The following DYNC2I2 variants were observed in gnomAD, a reference collection of about 807,000 sequenced individuals.
DYNC2I2 encodes cytoplasmic dynein 2 intermediate chain 2.
A neutral mutation model predicts 52.0 loss-of-function variants in DYNC2I2; 39 were observed. The ratio of observed to expected loss-of-function variants is 0.75; its 90% CI spans 0.58 to 0.98. The LOEUF is 0.98. Ranked by LOEUF, DYNC2I2 falls within the 50% of genes least tolerant of loss-of-function variation. The probability of loss-of-function intolerance (pLI) is 0.00; values close to 1 mark genes in which losing one functional copy is unlikely to be tolerated. For missense variants in DYNC2I2, 743 were observed against 728.4 expected (o/e 1.02, Z -0.23); for synonymous variants, 359 against 321.1 (o/e 1.12, Z -1.26).
rs537280538 is a variant in DYNC2I2 at position 128,635,111 on chromosome 9, C to T, written c.962G>A (p.Arg321Gln). 8.1e-6 allele frequency: 13 copies of T among 1,612,230 alleles called. No individual in the cohort carries two copies. The highest frequency in any genetic ancestry group is 2.7e-5 in the African/African-American group (2 of 75,034). ...GFALVMQQLP[R>Q]STKLKKHPRG... ...ACGTACCTTCTTGAGCTTGGTGCTCCGTGGCAGCTGCTGCATGACCAGGGC... is the reference window on the plus strand; with the variant it reads ...ACGTACCTTCTTGAGCTTGGTGCTCTGTGGCAGCTGCTGCATGACCAGGGC... The change falls in exon 6 of 9, where the codon CGG becomes CAG. Residue 321 changes from arginine (R) to glutamine (Q), a missense_variant. Physicochemically the swap from Arg to Gln is conservative, Grantham distance 43. Transcript: ENST00000372715.
the DYNC2I2 span, among the ~76,000 whole-genome samples, chr9:128,662,308 A>C: frequency 1.3e-5 from 2 of 152,076 alleles, no homozygotes; most frequent in African/African-American, 4.8e-5. Context: ...CCATCTGCCC[A>C]TGCTCTTTGT....
intron 1 of DYNC2I2, 82 bp downstream of exon 1, chr9:128,656,459 G>C: frequency 2.6e-6 from 3 of 1,141,388 alleles, no homozygotes; most frequent in Non-Finnish European, 3.3e-6. Flanking sequence ...CAGCCACGGT[G>C]GGACGCCCGA....
intron 2 of DYNC2I2, 76 bp downstream of exon 2, chr9:128,640,615 T>C: frequency 3.2e-6 from 5 of 1,554,824 alleles, no homozygotes; most frequent in Non-Finnish European, 3.5e-6. Context: ...ACGGCTGTTA[T>C]TTGTGGGAAG....
intron 1 of DYNC2I2, among the ~76,000 whole-genome samples, chr9:128,652,848 G>A (rs1214683374): frequency 1.3e-5 from 2 of 150,632 alleles, no homozygotes; most frequent in Non-Finnish European, 2.9e-5. Context: ...AACCCGGGAG[G>A]CGGAGGTTGC....
At chr9:128,636,498 C>T in intron 3 of DYNC2I2, 60 bp from the exon 4 acceptor site, 2 of 1,520,290 alleles carry the variant, frequency 1.3e-6, no homozygotes, top group Middle Eastern at 2.2e-4. Flanking sequence ...TCACCCACCC[C>T]ACCTCTCTCC....
At position 128,634,473 on chromosome 9, in the gene DYNC2I2, AG is replaced by A; in HGVS notation, c.1215-91del. 4 of 1,486,036 alleles carry A rather than the reference AG, an allele frequency of 2.7e-6. 1 individual carries two copies. The South Asian group carries it at 5.4e-5, about 20-fold the overall frequency. 92.1% of individuals were successfully genotyped at this position (1,486,036 alleles called of 1,614,324 possible). On this transcript the variant is annotated intron_variant, in intron 7 of 8. Coordinates refer to ENST00000372715, the MANE Select transcript of DYNC2I2 (RefSeq NM_052844.4). ...AACACCAGACCCCTCCTGGGCTGCC[AG>A]GCTCGTGAAGAGCCTCCCGGGTCCC... is the stretch of plus-strand genomic sequence containing the variant.
At chr9:128,678,439 C>T in the DYNC2I2 span, among the ~76,000 whole-genome samples, 1 of 142,150 alleles carries the variant, frequency 7.0e-6, no homozygotes, top group Non-Finnish European at 1.5e-5. Context: ...TGTGTAGAGA[C>T]CACAGGTAAT....
At chr9:128,636,722 A>C (rs975106832) in intron 3 of DYNC2I2, among the ~76,000 whole-genome samples, 196 bp downstream of exon 3, 1 of 151,898 alleles carries the variant, frequency 6.6e-6, no homozygotes, top group Non-Finnish European at 1.5e-5. Flanking sequence ...GGCAGGGGGG[A>C]GGGTGATCCT....
intron 1 of DYNC2I2, among the ~76,000 whole-genome samples, chr9:128,645,188 T>TAA (rs60929747): frequency 7.0e-6 from 1 of 143,318 alleles, no homozygotes; most frequent in Non-Finnish European, 1.5e-5. Flanking sequence ...CCATCTCTAC[T>TAA]AAAAAAAAAA....
chr9:128,677,954 G>T, the DYNC2I2 span, among the ~76,000 whole-genome samples: 1 of 152,112 alleles, frequency 6.6e-6, no homozygotes, highest in Non-Finnish European at 1.5e-5. Context: ...CTGTGTTAGA[G>T]GTATACTGGC....
rs1307298556 is a variant in DYNC2I2, at chr9:128,656,707, G to A, written c.20C>T (p.Pro7Leu). The part of the protein sequence containing the change: MATRAQ[P>L]GPLSQAGSAG... ...GCTTCCCGCCTGGCTGAGTGGCCCC[G>A]GCTGCGCGCGGGTTGCCATGGAGAC... The change falls in exon 1 of 9, where the codon CCG (proline) becomes CTG (leucine). Residue 7 changes from proline to leucine, a missense_variant. By Grantham distance (98) the Pro-to-Leu change is moderately conservative. Coordinates refer to ENST00000372715, the MANE Select transcript of DYNC2I2 (RefSeq NM_052844.4). 1.4e-6 allele frequency: 2 copies of A among 1,436,660 alleles called. No homozygotes were observed. The highest frequency in any genetic ancestry group is 1.8e-6 in the Non-Finnish European group (2 of 1,104,296). 89.0% of individuals were successfully genotyped at this position (1,436,660 alleles called of 1,614,324 possible).
the DYNC2I2 span, among the ~76,000 whole-genome samples, chr9:128,678,986 G>A: frequency 6.6e-6 from 1 of 152,080 alleles, no homozygotes; most frequent in Non-Finnish European, 1.5e-5. Flanking sequence ...GGAGAATGGC[G>A]TGAACCTGGG....
chr9:128,642,775 G>GCAAGTATA (rs1860543031), intron 1 of DYNC2I2, among the ~76,000 whole-genome samples: 1 of 152,010 alleles, frequency 6.6e-6, no homozygotes, highest in Non-Finnish European at 1.5e-5. Flanking sequence ...ATTACTTATT[G>GCAAGTATA]AGCATCTACT....
At chr9:128,680,365 A>C in the DYNC2I2 span, among the ~76,000 whole-genome samples, 1 of 131,736 alleles carries the variant, frequency 7.6e-6, no homozygotes, top group African/African-American at 2.7e-5. Flanking sequence ...CTGGTCAATT[A>C]TTATTATTAT....
In DYNC2I2 at chr9:128,633,794, G is replaced by A; in HGVS notation, c.1561C>T (p.Pro521Ser). ...CAGTCCAGGTCCTCAGCTTCCCGGG[G>A]CCCTTGTTCCGTGAACTCTGTGCTC... is the stretch of plus-strand genomic sequence containing the variant. ...QLSTEFTEQGPREAEDLDCLA... is the reference protein window; with the variant it reads ...QLSTEFTEQGSREAEDLDCLA... Residue 521 changes from proline (P) to serine (S), a missense_variant, in exon 9 of 9, where the codon CCC (proline) becomes TCC (serine). Physicochemically the swap from Pro to Ser is moderately conservative, Grantham distance 74 (BLOSUM62 -1). Coordinates refer to ENST00000372715, the MANE Select transcript of DYNC2I2 (RefSeq NM_052844.4). 6.2e-7 allele frequency: 1 copy of A among 1,613,580 alleles called. No homozygotes were observed. The highest frequency in any genetic ancestry group is 8.5e-7 in the Non-Finnish European group (1 of 1,180,036).
chr9:128,663,013 C>G, the DYNC2I2 span: 1 of 152,126 alleles, frequency 6.6e-6, no homozygotes, highest in African/African-American at 2.4e-5. Flanking sequence ...CCAGGCTGGT[C>G]TCAAACTCCT....
chr9:128,658,226 C>T (rs149650420), upstream of DYNC2I2, among the ~76,000 whole-genome samples: 1,043 of 149,640 alleles, frequency 7.0e-3, 9 homozygotes, highest in African/African-American at 0.024. Flanking sequence ...AGTGCAGTGG[C>T]GTGATCTCGG....
At chr9:128,662,778 G>A in the DYNC2I2 span, among the ~76,000 whole-genome samples, 3 of 152,150 alleles carry the variant, frequency 2.0e-5, no homozygotes, top group Non-Finnish European at 4.4e-5. Flanking sequence ...TAGCCAGGCT[G>A]GTCTCGAGCT....
rs1860316575 is a variant in DYNC2I2, at chr9:128,634,346, G to A, written c.1252C>T (p.His418Tyr). 6.2e-7 allele frequency: 1 copy of A among 1,606,048 alleles called. No individual in the cohort carries two copies. Among genetic ancestry groups the A allele is most frequent in the Non-Finnish European group, 8.5e-7 (1 of 1,177,318 alleles). The change falls in exon 8 of 9, where the codon CAC becomes TAC. Residue 418 changes from histidine to tyrosine, a missense_variant. Coordinates refer to ENST00000372715, the MANE Select transcript of DYNC2I2 (RefSeq NM_052844.4). ...GGGGCCTGCAGCATGGAGTACAGGT[G>A]GACATGCCCGTCAGTCCCAGCGCTC... is the stretch of plus-strand genomic sequence containing the variant. ...FLSAGTDGHV[H>Y]LYSMLQAPPL...
Sources: allele counts gnomAD v4.1 joint callset (sites outside exome capture counted in the v4.1 genomes callset), GRCh38; gene constraint gnomAD v4.1.1; transcripts MANE v1.5; gene names NCBI Gene and HGNC (gene_info 2026-07-23, HGNC 2026-07-21).